Variants in DNAH8 observed in about 807,000 individuals in gnomAD.
DNAH8 encodes the protein axonemal beta dynein heavy chain 8.
A neutral mutation model predicts 562.1 loss-of-function variants in DNAH8; 382 were observed. That is an observed-to-expected ratio of 0.68 (90% CI 0.63 to 0.74). The LOEUF is 0.74. DNAH8 is among the 30% of genes least tolerant of loss of function. The pLI, the probability that DNAH8 is intolerant of heterozygous loss-of-function variation, is 0.00. For missense variants in DNAH8, 5,203 were observed against 5,620.4 expected (o/e 0.93, Z 2.37); for synonymous variants, 1,881 against 1,919.4 (o/e 0.98, Z 0.52).
At chr6:38,826,533 C>CTT (rs34907495) in intron 29 of DNAH8, 142 bp downstream of exon 29, 1 of 626,554 alleles carries the variant, frequency 1.6e-6, no homozygotes, top group Admixed American at 3.1e-5. Context: ...ATGTTGATGT[C>CTT]TTTGGGAGAA....
At chr6:38,846,857 A>G (rs1775340792) in intron 36 of DNAH8, among the ~76,000 whole-genome samples, 2 of 152,204 alleles carry the variant, frequency 1.3e-5, no homozygotes, top group Non-Finnish European at 2.9e-5. Flanking sequence ...TAACCTGATG[A>G]GTAAAATACC....
intron 80 of DNAH8, among the ~76,000 whole-genome samples, chr6:38,946,414 T>C (rs1325753425): frequency 6.6e-6 from 1 of 152,230 alleles, no homozygotes; most frequent in Non-Finnish European, 1.5e-5. Flanking sequence ...TCTGAGTCAA[T>C]TGGATAAACT....
intron 17 of DNAH8, among the ~76,000 whole-genome samples, chr6:38,784,836 C>T (rs1582997670): frequency 6.6e-6 from 1 of 152,200 alleles, no homozygotes; most frequent in Non-Finnish European, 1.5e-5. Flanking sequence ...CTTCCAAATC[C>T]GTTCTCTTAA....
intron 85 of DNAH8, among the ~76,000 whole-genome samples, chr6:38,978,709 T>C (rs1421100847): frequency 6.6e-6 from 1 of 152,218 alleles, no homozygotes; most frequent in Non-Finnish European, 1.5e-5. Context: ...TGGGAACTGC[T>C]GAGGTAGAAC....
intron 3 of DNAH8, among the ~76,000 whole-genome samples, chr6:38,726,533 GAC>G (rs1449474626): frequency 6.6e-6 from 1 of 152,206 alleles, no homozygotes; most frequent in Non-Finnish European, 1.5e-5. Context: ...GTCCAGGACT[GAC>G]ACTGCTTAGG....
At chr6:38,819,431 A>G (rs948847855) in intron 26 of DNAH8, among the ~76,000 whole-genome samples, 1 of 152,054 alleles carries the variant, frequency 6.6e-6, no homozygotes, top group Non-Finnish European at 1.5e-5. Context: ...TATACATTTT[A>G]CCTATTTCTT....
chr6:38,791,495 T>G, intron 20 of DNAH8, 60 bp from the exon 21 acceptor site: 1 of 1,531,884 alleles, frequency 6.5e-7, no homozygotes, highest in Non-Finnish European at 8.7e-7. Flanking sequence ...CTCTTTTGGA[T>G]GAAAACCTAG....
chr6:38,957,331 A>G (rs1180044319), intron 82 of DNAH8, among the ~76,000 whole-genome samples: 3 of 148,910 alleles, frequency 2.0e-5, no homozygotes, highest in African/African-American at 7.3e-5. Context: ...AATTAATAAA[A>G]ATGTAAATAT....
chr6:38,760,107 C>T (rs1582928075), intron 10 of DNAH8, among the ~76,000 whole-genome samples: 1 of 152,254 alleles, frequency 6.6e-6, no homozygotes, highest in Middle Eastern at 3.4e-3. Context: ...TATTTATCAC[C>T]ACTGTTTTGT....
rs187980300 is a variant in DNAH8, at chr6:38,839,525, T to A, written c.4466+1483T>A. On this transcript the variant is annotated intron_variant, in intron 33 of 92. Transcript: ENST00000327475. Reference sequence around the variant, plus strand: ...CATACCACTGGGCCCAGGTAATTTTTAAAAAATTTTTTATACATACAGGAG... The same window carrying A: ...CATACCACTGGGCCCAGGTAATTTTAAAAAAATTTTTTATACATACAGGAG... 9.2e-5 allele frequency among the ~76,000 whole-genome samples: 14 copies of A among 152,142 alleles called. No homozygotes were observed. The East Asian group carries it at 9.7e-4, about 10-fold the overall frequency.
At chr6:38,891,159 C>G (rs1161320841) in intron 58 of DNAH8, among the ~76,000 whole-genome samples, 7 of 152,188 alleles carry the variant, frequency 4.6e-5, no homozygotes, top group Non-Finnish European at 8.8e-5. Context: ...TCTCAGCCAA[C>G]TAGGACTTGA....
chr6:38,952,812 C>G (rs1246834877), intron 82 of DNAH8, among the ~76,000 whole-genome samples: 1 of 152,192 alleles, frequency 6.6e-6, no homozygotes, highest in Admixed American at 6.5e-5. Context: ...CTCCCAGGTT[C>G]TATTGGCAAC....
intron 79 of DNAH8, among the ~76,000 whole-genome samples, chr6:38,941,685 C>T (rs1201600770): frequency 6.6e-6 from 1 of 152,032 alleles, no homozygotes; most frequent in Non-Finnish European, 1.5e-5. Flanking sequence ...ACCTATTTTA[C>T]CTCATTTCAA....
At chr6:38,999,403 T>G (rs1765337476) in intron 88 of DNAH8, among the ~76,000 whole-genome samples, 1 of 151,408 alleles carries the variant, frequency 6.6e-6, no homozygotes, top group African/African-American at 2.4e-5. Flanking sequence ...GGGGGCTGTT[T>G]TTTTTTTTTT....
At chr6:39,014,366 G>A (rs946732623) in intron 91 of DNAH8, among the ~76,000 whole-genome samples, 4 of 152,044 alleles carry the variant, frequency 2.6e-5, no homozygotes, top group African/African-American at 4.8e-5. Flanking sequence ...TGAGTAAGTC[G>A]TCACCAGGTA....
chr6:38,892,659 T>G (rs2150490479), intron 58 of DNAH8, among the ~76,000 whole-genome samples: 2 of 152,280 alleles, frequency 1.3e-5, no homozygotes, highest in Non-Finnish European at 2.9e-5. Context: ...CTCCTTGCTT[T>G]CTTCTTGCTC....
chr6:38,737,792 T>G lies in DNAH8; in HGVS notation c.953-17T>G, dbSNP rs368108107. ...AATATATAAATTAGTATTAAATGTC[T>G]TTTTTTTCCTTTTTAGGTGCTAGAA... On this transcript the variant is annotated splice_polypyrimidine_tract_variant and intron_variant, in intron 6 of 92. Transcript: ENST00000327475. 3.0e-6 allele frequency: 4 copies of G among 1,328,076 alleles called. No homozygotes were observed. The highest frequency in any genetic ancestry group is 4.0e-6 in the Non-Finnish European group (4 of 1,008,580). 82.3% of individuals were successfully genotyped at this position (1,328,076 alleles called of 1,614,324 possible). A position where few individuals can be genotyped will look rare whatever the true frequency, so the allele number is the denominator to read the frequency against.
rs186962112 is a variant in DNAH8, at chr6:38,817,084, T to G, written c.3523+1427T>G. 4.7e-3 allele frequency among the ~76,000 whole-genome samples: 710 copies of G among 152,320 alleles called. 3 individuals are homozygous for G. Among genetic ancestry groups the G allele is most frequent in the Non-Finnish European group, 6.4e-3 (436 of 68,022 alleles). ...AAGGCCCAGTGTGGTGGCTCACGTC[T>G]GTAATCCCAACATTTTGGGAGGCCA... On this transcript the variant is annotated intron_variant, in intron 26 of 92. Transcript: ENST00000327475.
intron 89 of DNAH8, among the ~76,000 whole-genome samples, chr6:39,010,679 G>A (rs562759527): frequency 1.5e-3 from 235 of 151,890 alleles, no homozygotes; most frequent in Middle Eastern, 0.01. Context: ...GGTTGCAAAA[G>A]TATTTCTATA....
Sources: allele counts gnomAD v4.1 joint callset (sites outside exome capture counted in the v4.1 genomes callset), GRCh38; gene constraint gnomAD v4.1.1; transcripts MANE v1.5; gene names NCBI Gene and HGNC (gene_info 2026-07-23, HGNC 2026-07-21).